Variants in ATOSB observed in about 807,000 individuals in gnomAD.
The protein encoded by ATOSB is atos homolog protein B.
At chr9:35,107,839 G>C in the ATOSB span, 1 of 1,597,338 alleles carries the variant, frequency 6.3e-7, no homozygotes, top group Non-Finnish European at 8.5e-7. Context: ...TTTGATGGGG[G>C]GCAGGGGGGA....
chr9:35,108,760 A>C, the ATOSB span: 1 of 927,276 alleles, frequency 1.1e-6, no homozygotes, highest in Non-Finnish European at 1.3e-6. Flanking sequence ...GAACAGACGT[A>C]AGCCAGGATC....
the ATOSB span, chr9:35,108,581 C>T: frequency 8.6e-7 from 1 of 1,158,628 alleles, no homozygotes; most frequent in Non-Finnish European, 1.1e-6. Flanking sequence ...CCCCTCTTCT[C>T]CCTGGTACTT....
chr9:35,110,262 A>G, the ATOSB span: 1 of 152,272 alleles, frequency 6.6e-6, no homozygotes, highest in Non-Finnish European at 1.5e-5. Context: ...ACCTTGTCAG[A>G]AGGTACAACC....
At chr9:35,111,442 T>C in the ATOSB span, 2 of 152,664 alleles carry the variant, frequency 1.3e-5, no homozygotes, top group Admixed American at 1.3e-4. Flanking sequence ...TTCAGCTTCG[T>C]GTGCAACACT....
At chr9:35,112,934 G>T in the ATOSB span, among the ~76,000 whole-genome samples, 1 of 152,086 alleles carries the variant, frequency 6.6e-6, no homozygotes, top group Non-Finnish European at 1.5e-5. Context: ...ACACAAGCAA[G>T]TAACAGTCCC....
At chr9:35,105,707 G>A in the ATOSB span, 1 of 1,614,036 alleles carries the variant, frequency 6.2e-7, no homozygotes, top group South Asian at 1.1e-5. The surrounding 1 kb of genome is among the most constrained non-coding windows in gnomAD (Gnocchi z 5.5). Context: ...TAGCAGAGGA[G>A]GCGGTGGGTG....
chr9:35,106,031 A>C, the ATOSB span: 1 of 1,608,876 alleles, frequency 6.2e-7, no homozygotes, highest in Non-Finnish European at 8.5e-7. The surrounding 1 kb of genome is among the most constrained non-coding windows in gnomAD (Gnocchi z 4.6). Context: ...GGGAGCCATC[A>C]GTCAAGGTGG....
the ATOSB span, chr9:35,106,887 G>A: frequency 6.4e-7 from 1 of 1,568,268 alleles, no homozygotes; most frequent in Non-Finnish European, 8.7e-7. The surrounding 1 kb of genome is among the most constrained non-coding windows in gnomAD (Gnocchi z 4.6). Flanking sequence ...GCAGTCTGTT[G>A]GGTCCTACGG....
the ATOSB span, chr9:35,111,256 C>G: frequency 6.5e-6 from 1 of 153,432 alleles, no homozygotes; most frequent in South Asian, 2.1e-4. Context: ...CTCTTTCCCT[C>G]TAGCACACTC....
the ATOSB span, chr9:35,106,512 C>A: frequency 6.3e-7 from 1 of 1,591,766 alleles, no homozygotes; most frequent in Non-Finnish European, 8.6e-7. The surrounding 1 kb of genome is among the most constrained non-coding windows in gnomAD (Gnocchi z 4.6). Flanking sequence ...AGGACCCCGG[C>A]AATCACAAAC....
the ATOSB span, chr9:35,106,487 C>T: frequency 1.2e-6 from 2 of 1,605,592 alleles, no homozygotes; most frequent in Non-Finnish European, 1.7e-6. The surrounding 1 kb of genome is among the most constrained non-coding windows in gnomAD (Gnocchi z 4.6). Flanking sequence ...CACATTCCAC[C>T]ATCCCACCTC....
At chr9:35,106,196 C>A in the ATOSB span, 1 of 1,606,612 alleles carries the variant, frequency 6.2e-7, no homozygotes, top group Non-Finnish European at 8.5e-7. This position sits in a 1 kb window ranked among gnomAD's most constrained non-coding sequence, Gnocchi z 4.6. Context: ...CCTGGCCCCG[C>A]CCCCAAATCC....
At chr9:35,106,897 G>A in the ATOSB span, 1 of 1,565,680 alleles carries the variant, frequency 6.4e-7, no homozygotes, top group South Asian at 1.2e-5. This position sits in a 1 kb window ranked among gnomAD's most constrained non-coding sequence, Gnocchi z 4.6. Context: ...GGGTCCTACG[G>A]AGAGAAATGA....
chr9:35,114,992 C>T, the ATOSB span, among the ~76,000 whole-genome samples: 2 of 148,830 alleles, frequency 1.3e-5, no homozygotes, highest in Non-Finnish European at 3.0e-5. Flanking sequence ...AGGCCAGGCC[C>T]TGGGGCAAGG....
At chr9:35,106,788 C>A in the ATOSB span, 1 of 1,545,246 alleles carries the variant, frequency 6.5e-7, no homozygotes, top group Non-Finnish European at 8.8e-7. This position sits in a 1 kb window ranked among gnomAD's most constrained non-coding sequence, Gnocchi z 4.6. Context: ...CAGACTTCTG[C>A]CCCCATTCTC....
At chr9:35,107,319 CAAAA>C in the ATOSB span, 11,194 of 1,144,008 alleles carry the variant, frequency 9.8e-3, no homozygotes, top group Admixed American at 0.011. Flanking sequence ...GATCCCATCT[CAAAA>C]AAAAAAAAAA....
At chr9:35,115,090 A>G in the ATOSB span, among the ~76,000 whole-genome samples, 1 of 151,914 alleles carries the variant, frequency 6.6e-6, no homozygotes, top group South Asian at 2.1e-4. Context: ...TGGGAGGAAC[A>G]GGAACTAGGA....
chr9:35,114,769 A>G, the ATOSB span, among the ~76,000 whole-genome samples: 1 of 152,142 alleles, frequency 6.6e-6, no homozygotes, highest in Admixed American at 6.5e-5. Flanking sequence ...CTCCCACAGA[A>G]GCCCTAGCGT....
chr9:35,109,458 C>G, the ATOSB span: 3 of 152,470 alleles, frequency 2.0e-5, no homozygotes, highest in East Asian at 5.8e-4. Context: ...CTCTCCACGC[C>G]CCTCCCCCAG....
Sources: allele counts gnomAD v4.1 joint callset (sites outside exome capture counted in the v4.1 genomes callset), GRCh38; gene constraint gnomAD v4.1.1; non-coding constraint Gnocchi (gnomAD v3.1); transcripts MANE v1.5; gene names NCBI Gene and HGNC (gene_info 2026-07-23, HGNC 2026-07-21).